TBCK: variants seen among roughly 807,000 people sequenced by gnomAD.
TBCK encodes TBC domain-containing protein kinase-like protein.
A neutral mutation model predicts 113.4 loss-of-function variants in TBCK; 99 were observed. The observed-to-expected ratio is 0.87, with a 90% CI of 0.74 to 1.03. The LOEUF is 1.03. Among genes scored for constraint, TBCK ranks in the 50% least tolerant of loss-of-function variants. The pLI, the probability that TBCK is intolerant of heterozygous loss-of-function variation, is 0.00. For missense variants in TBCK, 1,045 were observed against 1,061.3 expected (o/e 0.98, Z 0.21); for synonymous variants, 369 against 370.8 (o/e 1.00, Z 0.05).
At chr4:106,172,496 T>C (rs1322384405) in intron 22 of TBCK, among the ~76,000 whole-genome samples, 2 of 152,120 alleles carry the variant, frequency 1.3e-5, no homozygotes, top group African/African-American at 4.8e-5. Flanking sequence ...TATCTTTCCA[T>C]ATTTCTAAAA....
intron 25 of TBCK, among the ~76,000 whole-genome samples, chr4:106,075,040 T>A (rs904283866): frequency 1.3e-5 from 2 of 151,992 alleles, no homozygotes; most frequent in Non-Finnish European, 2.9e-5. Context: ...GGAGAATAGA[T>A]CTATGATGGG....
chr4:106,071,592 G>T (rs552400338), intron 25 of TBCK, among the ~76,000 whole-genome samples: 1 of 152,340 alleles, frequency 6.6e-6, no homozygotes, highest in East Asian at 1.9e-4. Context: ...GGGCTGAAGA[G>T]TTCTGTAGAT....
intron 24 of TBCK, among the ~76,000 whole-genome samples, chr4:106,113,588 T>C (rs2149561880): frequency 6.6e-6 from 1 of 152,148 alleles, no homozygotes; most frequent in East Asian, 1.9e-4. Flanking sequence ...AACCTTACCA[T>C]AGCATGGCTA....
chr4:106,122,133 C>T (rs536667902), intron 23 of TBCK, among the ~76,000 whole-genome samples: 2 of 151,230 alleles, frequency 1.3e-5, no homozygotes, highest in East Asian at 1.9e-4. Flanking sequence ...GCTAGCAAGA[C>T]TAATAAAGAA....
At chr4:106,299,252 ATATG>A (rs1346995715) in intron 2 of TBCK, among the ~76,000 whole-genome samples, 1 of 152,216 alleles carries the variant, frequency 6.6e-6, no homozygotes, top group Non-Finnish European at 1.5e-5. Flanking sequence ...GAAGAATCTC[ATATG>A]ACCACAGTCA....
chr4:106,120,076 T>C (rs965144582), intron 23 of TBCK, among the ~76,000 whole-genome samples: 18 of 151,852 alleles, frequency 1.2e-4, no homozygotes, highest in African/African-American at 4.4e-4. Flanking sequence ...CACTAGAGAG[T>C]GCCAGACAGT....
chr4:106,119,576 T>C (rs1192994335), intron 23 of TBCK, among the ~76,000 whole-genome samples: 2 of 152,158 alleles, frequency 1.3e-5, no homozygotes, highest in Non-Finnish European at 2.9e-5. Context: ...GAAAACATTG[T>C]GGAAATGCTT....
chr4:106,059,145 G>C (rs1452080415), intron 25 of TBCK, among the ~76,000 whole-genome samples: 1 of 151,668 alleles, frequency 6.6e-6, no homozygotes, highest in Non-Finnish European at 1.5e-5. Context: ...GTCAGCTGTG[G>C]GATCTTGGCC....
At chr4:106,148,303 T>C (rs1449669669) in intron 23 of TBCK, among the ~76,000 whole-genome samples, 1 of 152,224 alleles carries the variant, frequency 6.6e-6, no homozygotes, top group African/African-American at 2.4e-5. Flanking sequence ...CTTTTGAAAG[T>C]CCCTAATAAA....
At chr4:106,125,010 A>C (rs866113751) in intron 23 of TBCK, among the ~76,000 whole-genome samples, 4,169 of 152,178 alleles carry the variant, frequency 0.027, 191 homozygotes, top group African/African-American at 0.095. Flanking sequence ...AAAAAAAAAA[A>C]AAAAACACAA....
chr4:106,290,673 C>A lies in TBCK; in HGVS notation c.266+4421G>T, dbSNP rs934912352. Among the ~76,000 whole-genome samples, 7 of 152,150 alleles carry A rather than the reference C, an allele frequency of 4.6e-5. No individual in the cohort carries two copies. The East Asian group carries it at 1.2e-3, about 25-fold the overall frequency. On this transcript the variant is annotated intron_variant, in intron 3 of 25. Coordinates refer to ENST00000394708, the MANE Select transcript of TBCK (RefSeq NM_001163435.3). ...GTACAACAGGGGTTCCCAACCCCCC[C>A]ACCATGGACTAGTCCTGGACCCTGT... is the stretch of plus-strand genomic sequence containing the variant.
chr4:106,061,072 A>C (rs1440392852), intron 25 of TBCK, among the ~76,000 whole-genome samples: 1 of 151,846 alleles, frequency 6.6e-6, no homozygotes, highest in African/African-American at 2.4e-5. Context: ...TTGAGATGCA[A>C]TCTACTTCTG....
At chr4:106,155,867 T>G (rs1189404893) in intron 23 of TBCK, among the ~76,000 whole-genome samples, 1 of 152,168 alleles carries the variant, frequency 6.6e-6, no homozygotes, top group Non-Finnish European at 1.5e-5. Context: ...TATCTCCGTT[T>G]CTCCAGGATT....
intron 19 of TBCK, among the ~76,000 whole-genome samples, chr4:106,215,138 T>G (rs1377094016): frequency 1.3e-5 from 2 of 151,208 alleles, no homozygotes; most frequent in Admixed American, 6.6e-5. Flanking sequence ...GAAGGAGAAA[T>G]AAAATACTTT....
chr4:106,209,839 T>G (rs1018828108), intron 20 of TBCK, among the ~76,000 whole-genome samples: 4 of 152,158 alleles, frequency 2.6e-5, no homozygotes, highest in Non-Finnish European at 5.9e-5. Flanking sequence ...TTATAAGTAC[T>G]ATCAAGATAG....
intron 1 of TBCK, among the ~76,000 whole-genome samples, chr4:106,312,546 C>CTT (rs1338986994): frequency 6.6e-6 from 1 of 152,000 alleles, no homozygotes; most frequent in Non-Finnish European, 1.5e-5. Context: ...ATTTGGAAAA[C>CTT]TTTTCTAAAG....
intron 3 of TBCK, among the ~76,000 whole-genome samples, chr4:106,282,206 G>C (rs1764667620): frequency 6.6e-6 from 1 of 151,982 alleles, no homozygotes; most frequent in African/African-American, 2.4e-5. Context: ...GTTGTTCATA[G>C]AAGTCTCTAA....
intron 20 of TBCK, among the ~76,000 whole-genome samples, chr4:106,195,985 A>C (rs1462004863): frequency 4.3e-5 from 5 of 115,860 alleles, no homozygotes; most frequent in African/African-American, 1.3e-4. Flanking sequence ...ATTTTTAAGA[A>C]TTAATTAGAT....
At chr4:106,247,766 G>A (rs1488126570) in intron 9 of TBCK, 1 of 155,578 alleles carries the variant, frequency 6.4e-6, no homozygotes, top group Non-Finnish European at 1.4e-5. Flanking sequence ...ACATAGTAAA[G>A]GAATTTAGGG....
Sources: allele counts gnomAD v4.1 joint callset (sites outside exome capture counted in the v4.1 genomes callset), GRCh38; gene constraint gnomAD v4.1.1; transcripts MANE v1.5; gene names NCBI Gene and HGNC (gene_info 2026-07-23, HGNC 2026-07-21).